The following L3MBTL4 variants were observed in gnomAD, a reference collection of about 807,000 sequenced individuals.
L3MBTL4 encodes the protein L3MBTL histone methyl-lysine binding protein 4.
A neutral mutation model predicts 84.5 loss-of-function variants in L3MBTL4; 70 were observed. The observed-to-expected ratio is 0.83, with a 90% CI of 0.68 to 1.01. The LOEUF is 1.01. Ranked by LOEUF, L3MBTL4 falls within the 50% of genes least tolerant of loss-of-function variation. L3MBTL4 has a pLI of 0.00. For synonymous variants in L3MBTL4, 274 were observed against 259.8 expected (o/e 1.05, Z -0.52); for missense variants, 715 against 754.8 (o/e 0.95, Z 0.62).
intron 1 of L3MBTL4, among the ~76,000 whole-genome samples, chr18:6,345,373 G>A (rs1413107473): frequency 1.3e-5 from 2 of 151,868 alleles, no homozygotes; most frequent in Non-Finnish European, 2.9e-5. Flanking sequence ...CTCCAGCCTG[G>A]CAACAGAGTA....
chr18:6,398,637 A>T (rs1348624720), intron 1 of L3MBTL4, among the ~76,000 whole-genome samples: 1 of 151,776 alleles, frequency 6.6e-6, no homozygotes, highest in Non-Finnish European at 1.5e-5. Flanking sequence ...TGAGGCTGGC[A>T]ATCCTGGCCT....
intron 4 of L3MBTL4, among the ~76,000 whole-genome samples, chr18:6,293,909 G>A (rs954110211): frequency 6.6e-6 from 1 of 152,138 alleles, no homozygotes; most frequent in Non-Finnish European, 1.5e-5. Context: ...TGAGGGGACG[G>A]GAGATACACA....
At chr18:6,072,486 T>C (rs946906728) in intron 16 of L3MBTL4, among the ~76,000 whole-genome samples, 1 of 152,042 alleles carries the variant, frequency 6.6e-6, no homozygotes, top group African/African-American at 2.4e-5. Context: ...TCAAAACTCA[T>C]GGAATGCAGG....
intron 12 of L3MBTL4, among the ~76,000 whole-genome samples, chr18:6,183,342 C>T (rs1271080096): frequency 6.6e-6 from 1 of 152,160 alleles, no homozygotes; most frequent in Non-Finnish European, 1.5e-5. Flanking sequence ...ATAATCTCTG[C>T]CCAAAAGCTT....
At chr18:5,996,555 C>T (rs668961) in intron 16 of L3MBTL4, among the ~76,000 whole-genome samples, 4,593 of 152,294 alleles carry the variant, frequency 0.03, 259 homozygotes, top group African/African-American at 0.1. Context: ...GGTAGGTGCG[C>T]TCTGGGGTTC....
At chr18:6,288,682 T>C (rs1599495950) in intron 4 of L3MBTL4, among the ~76,000 whole-genome samples, 1 of 152,078 alleles carries the variant, frequency 6.6e-6, no homozygotes, top group Admixed American at 6.6e-5. Context: ...CTTAGGTAAA[T>C]ACCTGGTATT....
At chr18:6,216,392 T>C (rs1223820592) in intron 10 of L3MBTL4, among the ~76,000 whole-genome samples, 4 of 152,152 alleles carry the variant, frequency 2.6e-5, no homozygotes, top group Admixed American at 6.5e-5. Flanking sequence ...TCTCTTTATG[T>C]TTGTGTTCTT....
At chr18:6,220,270 T>G (rs1161306323) in intron 10 of L3MBTL4, among the ~76,000 whole-genome samples, 1 of 152,150 alleles carries the variant, frequency 6.6e-6, no homozygotes, top group Non-Finnish European at 1.5e-5. Flanking sequence ...GAAAAGCAAG[T>G]GCTTACCATG....
chr18:6,241,631 C>T (rs905529753), intron 7 of L3MBTL4, among the ~76,000 whole-genome samples, 182 bp from the exon 8 acceptor site: 1 of 152,174 alleles, frequency 6.6e-6, no homozygotes, highest in African/African-American at 2.4e-5. Flanking sequence ...ATTCAACGTC[C>T]TTAGCACCCA....
At chr18:6,400,471 G>C (rs1376400320) in intron 1 of L3MBTL4, among the ~76,000 whole-genome samples, 1 of 152,148 alleles carries the variant, frequency 6.6e-6, no homozygotes, top group Non-Finnish European at 1.5e-5. Context: ...GTGCAGTGGT[G>C]CGAACATGGC....
chr18:6,112,021 CTA>C (rs2059212512), intron 14 of L3MBTL4, among the ~76,000 whole-genome samples: 2 of 152,148 alleles, frequency 1.3e-5, no homozygotes, highest in Non-Finnish European at 1.5e-5. Context: ...CCCTCTGCTT[CTA>C]TGAGTTCAGC....
At chr18:6,195,219 C>G (rs2045320411) in intron 12 of L3MBTL4, among the ~76,000 whole-genome samples, 1 of 152,098 alleles carries the variant, frequency 6.6e-6, no homozygotes, top group Non-Finnish European at 1.5e-5. Flanking sequence ...TCTGAGCTGC[C>G]AGTCCATCAG....
chr18:5,958,062 G>GAGAAGAAGAAGAAGAAGAAGAAGA (rs563678931), intron 18 of L3MBTL4, among the ~76,000 whole-genome samples: 2 of 93,200 alleles, frequency 2.1e-5, no homozygotes, highest in Non-Finnish European at 4.1e-5. Context: ...GAAGGAGAAG[G>GAGAAGAAGAAGAAGAAGAAGAAGA]AGAAGAAGAA....
intron 1 of L3MBTL4, among the ~76,000 whole-genome samples, chr18:6,405,405 C>T (rs1327173480): frequency 6.6e-6 from 1 of 152,264 alleles, no homozygotes; most frequent in African/African-American, 2.4e-5. Flanking sequence ...CGCTCTGCGA[C>T]CTGCACAAAC....
At chr18:6,272,845 G>A (rs374638233) in intron 4 of L3MBTL4, among the ~76,000 whole-genome samples, 9 of 112,778 alleles carry the variant, frequency 8.0e-5, no homozygotes, top group South Asian at 6.4e-4. Context: ...ACAGAGTGGT[G>A]CCTTCAGGAG....
At chr18:6,311,682 T>C in intron 2 of L3MBTL4, 26 bp from the exon 3 acceptor site, 1 of 1,387,266 alleles carries the variant, frequency 7.2e-7, no homozygotes, top group South Asian at 1.2e-5. Context: ...ACATAAGAAG[T>C]TGGGGATGGG....
Position 6,302,000 on chromosome 18 carries a change from T to C in L3MBTL4, c.73-43A>G, listed in dbSNP as rs1322288546. 1.4e-6 allele frequency: 2 copies of C among 1,476,450 alleles called. No individual in the cohort carries two copies. The highest frequency in any genetic ancestry group is 3.3e-5 in the Admixed American group (2 of 59,806). The allele number at this position is 1,476,450 out of a possible 1,614,324, so 91.5% of individuals were successfully genotyped here. ...GTGTTTAGATGGTATTGCTGGATAA[T>C]TGTTGGAAACACTGAAAACTAATGT... On this transcript the variant is annotated intron_variant, in intron 3 of 18. Coordinates refer to ENST00000317931, the MANE Select transcript of L3MBTL4 (RefSeq NM_001330559.2).
At chr18:6,225,980 T>C (rs1716875688) in intron 10 of L3MBTL4, among the ~76,000 whole-genome samples, 1 of 152,224 alleles carries the variant, frequency 6.6e-6, no homozygotes, top group Middle Eastern at 3.4e-3. Flanking sequence ...CAGGAAATTA[T>C]AAAGAAAGTT....
intron 13 of L3MBTL4, among the ~76,000 whole-genome samples, chr18:6,140,117 C>T (rs2060150897): frequency 6.6e-6 from 1 of 152,186 alleles, no homozygotes; most frequent in Admixed American, 6.5e-5. Flanking sequence ...AAAGCCCCAC[C>T]TGACCACAAA....
Sources: allele counts gnomAD v4.1 joint callset (sites outside exome capture counted in the v4.1 genomes callset), GRCh38; gene constraint gnomAD v4.1.1; transcripts MANE v1.5; gene names NCBI Gene and HGNC (gene_info 2026-07-23, HGNC 2026-07-21).